The following VPS13B variants were observed in gnomAD, a reference collection of about 807,000 sequenced individuals.
VPS13B encodes the protein intermembrane lipid transfer protein VPS13B.
A neutral mutation model predicts 426.4 loss-of-function variants in VPS13B; 285 were observed. The ratio of observed to expected loss-of-function variants is 0.67; its 90% CI spans 0.61 to 0.74. The LOEUF is 0.74. Ranked by LOEUF, VPS13B falls within the 30% of genes least tolerant of loss-of-function variation. The pLI is 0.00. For missense variants in VPS13B, 4,537 were observed against 4,782.6 expected, an observed-to-expected ratio of 0.95 and a Z score of 1.51; for synonymous variants, 1,676 against 1,676.4, an observed-to-expected ratio of 1.00 and a Z score of 0.01.
intron 19 of VPS13B, among the ~76,000 whole-genome samples, chr8:99,335,313 T>A (rs943975319): frequency 1.3e-4 from 20 of 152,178 alleles, no homozygotes; most frequent in African/African-American, 4.6e-4. Context: ...AACCAGCTCC[T>A]GGATTCATTA....
chr8:99,045,375 C>T (rs1418689004), intron 3 of VPS13B, among the ~76,000 whole-genome samples: 1 of 144,428 alleles, frequency 6.9e-6, no homozygotes, highest in Non-Finnish European at 1.5e-5. Context: ...CTGTTCATGT[C>T]CTTAGCCCAC....
At chr8:99,809,694 A>G (rs904271542) in intron 44 of VPS13B, among the ~76,000 whole-genome samples, 164 bp downstream of exon 44, 1 of 152,164 alleles carries the variant, frequency 6.6e-6, no homozygotes, top group African/African-American at 2.4e-5. Context: ...GATCCTGACA[A>G]TGATGATGGC....
chr8:99,828,664 C>T (rs1200986501), intron 51 of VPS13B, among the ~76,000 whole-genome samples: 1 of 151,696 alleles, frequency 6.6e-6, no homozygotes, highest in Non-Finnish European at 1.5e-5. Flanking sequence ...TTATTTTGCC[C>T]ATTAGTTGGT....
intron 44 of VPS13B, among the ~76,000 whole-genome samples, chr8:99,815,258 C>G (rs1051918158): frequency 6.6e-6 from 1 of 152,040 alleles, no homozygotes; most frequent in Non-Finnish European, 1.5e-5. Flanking sequence ...GTGTAGCTCC[C>G]ATCTGATTAC....
At chr8:99,538,811 G>A (rs1424190888) in intron 30 of VPS13B, among the ~76,000 whole-genome samples, 1 of 152,140 alleles carries the variant, frequency 6.6e-6, no homozygotes, top group African/African-American at 2.4e-5. Context: ...TTTGCTAGCT[G>A]TAAAGCTGCA....
At chr8:99,644,221 A>G (rs1829488253) in intron 34 of VPS13B, among the ~76,000 whole-genome samples, 1 of 152,180 alleles carries the variant, frequency 6.6e-6, no homozygotes, top group Admixed American at 6.6e-5. Flanking sequence ...TATAACCTCA[A>G]CCTTTGAAAT....
chr8:99,669,890 T>A (rs539318195), intron 35 of VPS13B, among the ~76,000 whole-genome samples: 1 of 152,290 alleles, frequency 6.6e-6, no homozygotes, highest in Non-Finnish European at 1.5e-5. Flanking sequence ...GATTTTCATT[T>A]CTACTTTAAA....
At chr8:99,022,104 GCTTT>G (rs1252121547) in intron 2 of VPS13B, among the ~76,000 whole-genome samples, 1 of 151,328 alleles carries the variant, frequency 6.6e-6, no homozygotes, top group African/African-American at 2.4e-5. Context: ...TTGTACTTGT[GCTTT>G]CTTTGTCATT....
intron 43 of VPS13B, among the ~76,000 whole-genome samples, chr8:99,786,584 G>C (rs1184040022): frequency 6.6e-6 from 1 of 152,094 alleles, no homozygotes; most frequent in Non-Finnish European, 1.5e-5. Context: ...AGTCTTAACT[G>C]TGTTACCAAA....
chr8:99,410,285 G>A (rs1447366819), intron 21 of VPS13B, among the ~76,000 whole-genome samples: 2 of 151,990 alleles, frequency 1.3e-5, no homozygotes, highest in African/African-American at 4.8e-5. Context: ...GCACAAGTAG[G>A]CCTTATCTTG....
At position 99,013,883 on chromosome 8, in the gene VPS13B, G is replaced by T. The variant is rs1841450255; in HGVS notation, c.95G>T (p.Gly32Val). ...TCGGATCTACAGCTTTCACTATGGG[G>T]TGGAGACGTGGTACTCAGCAAGCTC... ...KPSDLQLSLW[G>V]GDVVLSKLEL... Residue 32 changes from glycine to valine, a missense_variant, in exon 2 of 62, where the codon GGT (glycine) becomes GTT (valine). Physicochemically the swap from Gly to Val is moderately radical, Grantham distance 109. Coordinates refer to ENST00000357162, the MANE Select transcript of VPS13B (RefSeq NM_152564.5). The T allele has an allele frequency of 1.2e-6, 2 of 1,614,192 alleles. No individual in the cohort carries two copies. Among genetic ancestry groups the T allele is most frequent in the East Asian group, 2.2e-5 (1 of 44,878 alleles).
rs6989580 is a variant in VPS13B at position 99,803,043 on chromosome 8, A to G, written c.7942-6332A>G. On this transcript the variant is annotated intron_variant, in intron 43 of 61. Coordinates refer to ENST00000357162, the MANE Select transcript of VPS13B (RefSeq NM_152564.5). ...TTATTTTTACTGTGTTATTTGACCA[A>G]TTTCCTAATGCTGCCAAATTTTTAT... is the stretch of plus-strand genomic sequence containing the variant. Among the ~76,000 whole-genome samples the G allele has an allele frequency of 8.1e-3, 1,241 of 152,320 alleles. 16 individuals carry two copies. The highest frequency in any genetic ancestry group is 0.028 in the African/African-American group (1,162 of 41,582).
intron 35 of VPS13B, among the ~76,000 whole-genome samples, chr8:99,676,407 A>G (rs564125711): frequency 3.3e-5 from 5 of 152,076 alleles, no homozygotes; most frequent in Non-Finnish European, 5.9e-5. Context: ...GGACAGGTCA[A>G]GAGGCTCAGT....
At chr8:99,100,121 A>G (rs1232023676) in intron 4 of VPS13B, among the ~76,000 whole-genome samples, 2 of 152,172 alleles carry the variant, frequency 1.3e-5, no homozygotes, top group Non-Finnish European at 2.9e-5. Flanking sequence ...TTTGTCATTT[A>G]TTCCACTGAT....
At chr8:99,233,200 G>A (rs141393310) in intron 17 of VPS13B, 71 of 1,390,066 alleles carry the variant, frequency 5.1e-5, no homozygotes, top group African/African-American at 1.8e-4. Flanking sequence ...TTCATCGGGC[G>A]TTTGGTCACG....
At chr8:99,013,974 A>G (rs1446954373) in intron 2 of VPS13B, 39 bp downstream of exon 2, 1 of 1,613,958 alleles carries the variant, frequency 6.2e-7, no homozygotes, top group East Asian at 2.2e-5. Context: ...AACAGTTTTC[A>G]GCTTGTTTAG....
chr8:99,635,816 A>T (rs1466368236), intron 33 of VPS13B, among the ~76,000 whole-genome samples: 1 of 152,012 alleles, frequency 6.6e-6, no homozygotes, highest in Admixed American at 6.6e-5. Flanking sequence ...ATAACCCAAA[A>T]TTAGTTTAAT....
At chr8:99,380,748 C>A (rs956064747) in intron 19 of VPS13B, among the ~76,000 whole-genome samples, 1 of 151,464 alleles carries the variant, frequency 6.6e-6, no homozygotes, top group African/African-American at 2.4e-5. Context: ...TAGTAATTTT[C>A]CCAATTTAAA....
At chr8:99,167,316 A>C (rs1339518990) in intron 15 of VPS13B, among the ~76,000 whole-genome samples, 1 of 152,132 alleles carries the variant, frequency 6.6e-6, no homozygotes, top group Admixed American at 6.5e-5. Flanking sequence ...CATACATACC[A>C]ACTTTTAAAA....
Sources: allele counts gnomAD v4.1 joint callset (sites outside exome capture counted in the v4.1 genomes callset), GRCh38; gene constraint gnomAD v4.1.1; transcripts MANE v1.5; gene names NCBI Gene and HGNC (gene_info 2026-07-23, HGNC 2026-07-21).